SLC25A20: variants seen among roughly 807,000 people sequenced by gnomAD.
SLC25A20 encodes solute carrier family 25 member 20.
In SLC25A20, 29 loss-of-function variants were observed where a neutral mutation model predicts 39.7. The observed-to-expected ratio is 0.73, with a 90% CI of 0.54 to 1.00. The LOEUF is 1.00. SLC25A20 is among the 50% of genes least tolerant of loss of function. SLC25A20 has a pLI of 0.00. For synonymous variants in SLC25A20, 103 were observed against 142.2 expected (o/e 0.72, Z 1.96); for missense variants, 333 against 379.9 (o/e 0.88, Z 1.03).
chr3:48,861,753 G>A (rs1424182504), intron 5 of SLC25A20, among the ~76,000 whole-genome samples: 1 of 151,060 alleles, frequency 6.6e-6, no homozygotes, highest in Admixed American at 6.6e-5. Flanking sequence ...AAGGCCGGGT[G>A]CGGTGGCTCA....
chr3:48,859,648 G>A, intron 5 of SLC25A20, 21 bp from the exon 6 acceptor site: 2 of 1,559,510 alleles, frequency 1.3e-6, no homozygotes, highest in East Asian at 2.2e-5. Context: ...CAAGAAAAAG[G>A]TGAATTAAAG....
intron 4 of SLC25A20, among the ~76,000 whole-genome samples, chr3:48,874,378 A>C (rs1575985134): frequency 6.6e-6 from 1 of 152,228 alleles, no homozygotes; most frequent in East Asian, 1.9e-4. Flanking sequence ...AGGCAGGAGG[A>C]TCACTTGAGC....
chr3:48,890,135 C>T (rs1322840916), intron 2 of SLC25A20, among the ~76,000 whole-genome samples: 1 of 152,196 alleles, frequency 6.6e-6, no homozygotes, highest in Non-Finnish European at 1.5e-5. Context: ...GCCTAAACCC[C>T]TCCCTGTGAC....
At chr3:48,882,613 T>C (rs1321063059) in intron 3 of SLC25A20, among the ~76,000 whole-genome samples, 2 of 152,100 alleles carry the variant, frequency 1.3e-5, no homozygotes, top group Non-Finnish European at 2.9e-5. Flanking sequence ...ATCCTAGCAC[T>C]GTGGGAGGCC....
At chr3:48,872,035 C>T (rs2106645854) in intron 4 of SLC25A20, among the ~76,000 whole-genome samples, 1 of 133,284 alleles carries the variant, frequency 7.5e-6, no homozygotes, top group Admixed American at 8.5e-5. Context: ...TGCCGTGCCA[C>T]ACAAGCTGGT....
intron 4 of SLC25A20, among the ~76,000 whole-genome samples, chr3:48,878,526 G>A (rs1311603562): frequency 2.6e-5 from 4 of 151,696 alleles, no homozygotes; most frequent in East Asian, 2.0e-4. Context: ...GGGGCTGGGC[G>A]TGGTGGCTCA....
chr3:48,884,241 A>T, intron 2 of SLC25A20, 117 bp from the exon 3 acceptor site: 1 of 1,315,638 alleles, frequency 7.6e-7, no homozygotes, highest in South Asian at 1.2e-5. Context: ...TCTTGAAGCA[A>T]GGAGAACTTT....
Position 48,870,558 on chromosome 3 carries a change from CTTTTTTT to C in SLC25A20, c.418-7906_418-7900del, listed in dbSNP as rs752195846. ...TGAAAGAAATCAAATTTTTCTTTTT[CTTTTTTT>C]TTTTTTTTTTTTGAGACAGTATCTC... On this transcript the variant is annotated intron_variant, in intron 4 of 8. Coordinates refer to ENST00000319017, the MANE Select transcript of SLC25A20 (RefSeq NM_000387.6). Among the ~76,000 whole-genome samples, 11 of 123,484 alleles carry C rather than the reference CTTTTTTT, an allele frequency of 8.9e-5. No individual in the cohort carries two copies. In the East Asian group the frequency reaches 9.5e-4, roughly 11 times the overall value. The allele number at this position is 123,484 out of a possible 152,430, so 81.0% of individuals were successfully genotyped here. A position where few individuals can be genotyped will look rare whatever the true frequency, so the allele number is the denominator to read the frequency against.
At chr3:48,873,784 G>A (rs1161435727) in intron 4 of SLC25A20, among the ~76,000 whole-genome samples, 2 of 148,978 alleles carry the variant, frequency 1.3e-5, no homozygotes, top group African/African-American at 5.0e-5. Flanking sequence ...TCGAGATCAC[G>A]GTGAAACCCC....
intron 4 of SLC25A20, among the ~76,000 whole-genome samples, chr3:48,870,737 C>G (rs1291125014): frequency 6.6e-6 from 1 of 151,408 alleles, no homozygotes; most frequent in Non-Finnish European, 1.5e-5. Context: ...TCTCAAACAC[C>G]TGAGCCCAAG....
chr3:48,877,727 C>CA (rs978785986), intron 4 of SLC25A20, among the ~76,000 whole-genome samples: 18 of 143,878 alleles, frequency 1.3e-4, no homozygotes, highest in South Asian at 8.8e-4. Flanking sequence ...GACTCTGTCT[C>CA]AAAAAAAAAG....
At chr3:48,886,001 GAAA>G (rs2083826462) in intron 2 of SLC25A20, among the ~76,000 whole-genome samples, 1 of 152,044 alleles carries the variant, frequency 6.6e-6, no homozygotes, top group African/African-American at 2.4e-5. Context: ...AATCCCAAGG[GAAA>G]CAAGAAGTTA....
At chr3:48,863,370 G>A (rs1012511310) in intron 4 of SLC25A20, among the ~76,000 whole-genome samples, 1 of 152,108 alleles carries the variant, frequency 6.6e-6, no homozygotes, top group Non-Finnish European at 1.5e-5. Context: ...AAGAAAAGGT[G>A]AACAGAAAAT....
Position 48,857,714 on chromosome 3 carries a change from A to G in SLC25A20, c.902T>C (p.Leu301Ser). The change falls in exon 9 of 9, where the codon TTG becomes TCG. Residue 301 changes from leucine (L) to serine (S), a missense_variant. Leu to Ser is a moderately radical substitution (Grantham distance 145). Coordinates refer to ENST00000319017, the MANE Select transcript of SLC25A20 (RefSeq NM_000387.6). ...GAACTTGAGCAGCCTTCAGCCTCAC[A>G]AGTTGGGGGTGGCCCAATTAAGGAA... The part of the protein sequence containing the change: ...MKFLNWATPN[L>S] 6.2e-7 allele frequency: 1 copy of G among 1,613,830 alleles called. No homozygotes were observed. Among genetic ancestry groups the G allele is most frequent in the South Asian group, 1.1e-5 (1 of 91,020 alleles).
intron 4 of SLC25A20, among the ~76,000 whole-genome samples, chr3:48,877,095 CA>C (rs998241132): frequency 7.3e-5 from 11 of 151,098 alleles, no homozygotes; most frequent in African/African-American, 2.7e-4. Flanking sequence ...GACCCTGTCT[CA>C]AAAAAATAGA....
chr3:48,870,679 A>AATTTTTT (rs1387274123), intron 4 of SLC25A20, among the ~76,000 whole-genome samples: 16 of 149,528 alleles, frequency 1.1e-4, no homozygotes, highest in African/African-American at 3.9e-4. Context: ...ATGCCCAGCT[A>AATTTTTT]ATTTTTTTTT....
intron 1 of SLC25A20, among the ~76,000 whole-genome samples, chr3:48,894,525 G>A (rs926616809): frequency 4.6e-5 from 7 of 151,116 alleles, no homozygotes; most frequent in South Asian, 2.1e-4. Context: ...CACCCGCCTC[G>A]GCCTCCCAAA....
chr3:48,892,161 G>C, intron 1 of SLC25A20, 89 bp from the exon 2 acceptor site: 3 of 968,678 alleles, frequency 3.1e-6, no homozygotes, highest in South Asian at 1.3e-5. Context: ...AACTGAACAG[G>C]GAAGGCTGTA....
chr3:48,897,139 A>C (rs2083915381), intron 1 of SLC25A20, among the ~76,000 whole-genome samples: 1 of 135,258 alleles, frequency 7.4e-6, no homozygotes, highest in South Asian at 2.3e-4. Context: ...CTTTGATTGG[A>C]GCCCACCCAG....
Sources: allele counts gnomAD v4.1 joint callset (sites outside exome capture counted in the v4.1 genomes callset), GRCh38; gene constraint gnomAD v4.1.1; transcripts MANE v1.5; gene names NCBI Gene and HGNC (gene_info 2026-07-23, HGNC 2026-07-21).